BORCS5: variants seen among roughly 807,000 people sequenced by gnomAD.
The protein encoded by BORCS5 is BLOC-1-related complex subunit 5.
BORCS5 carries 17 observed loss-of-function variants against 22.1 expected under a neutral mutation model. That is an observed-to-expected ratio of 0.77 (90% CI 0.53 to 1.15). The LOEUF is 1.15. Among genes scored for constraint, BORCS5 ranks in the 50% most tolerant of loss-of-function variants. The probability of loss-of-function intolerance (pLI) is 0.00; values close to 1 mark genes in which losing one functional copy is unlikely to be tolerated. For missense variants in BORCS5, 247 were observed against 253.2 expected, an observed-to-expected ratio of 0.98 and a Z score of 0.17; for synonymous variants, 117 against 99.8, an observed-to-expected ratio of 1.17 and a Z score of -1.03.
Position 12,445,527 on chromosome 12 carries a change from AC to A in BORCS5, c.360+9744del, listed in dbSNP as rs1942769399. On this transcript the variant is annotated intron_variant, in intron 3 of 3. Transcript: ENST00000314565. ...TTTTTTTTTTTTTTCAATTTGAAAT[AC>A]CTTTTTTTTTTTTTTTTTTTTTTTT... Among the ~76,000 whole-genome samples the A allele has an allele frequency of 1.8e-4, 7 of 37,900 alleles. No homozygotes were observed. In the East Asian group the frequency reaches 2.5e-3, roughly 13 times the overall value. 24.9% of individuals were successfully genotyped at this position (37,900 alleles called of 152,430 possible). A position where few individuals can be genotyped will look rare whatever the true frequency, so the allele number is the denominator to read the frequency against.
intron 2 of BORCS5, among the ~76,000 whole-genome samples, chr12:12,430,879 T>C (rs1161759477): frequency 2.6e-5 from 4 of 152,208 alleles, no homozygotes; most frequent in African/African-American, 9.6e-5. Flanking sequence ...TATGGAGGTT[T>C]TTTTCCATGT....
At chr12:12,408,075 A>G (rs1484234074) in intron 2 of BORCS5, among the ~76,000 whole-genome samples, 2 of 152,184 alleles carry the variant, frequency 1.3e-5, no homozygotes, top group East Asian at 3.8e-4. Flanking sequence ...TGTGTCTGGC[A>G]TACTTCAGTT....
chr12:12,416,748 A>C (rs1486306130), intron 2 of BORCS5, among the ~76,000 whole-genome samples: 1 of 149,306 alleles, frequency 6.7e-6, no homozygotes, highest in African/African-American at 2.5e-5. Context: ...GATTTGAGTC[A>C]CCGCACCCAA....
chr12:12,461,807 A>G (rs1168383582), intron 3 of BORCS5, among the ~76,000 whole-genome samples: 1 of 152,196 alleles, frequency 6.6e-6, no homozygotes, highest in Non-Finnish European at 1.5e-5. Flanking sequence ...TTCTGCATGC[A>G]CACACCACTG....
intron 2 of BORCS5, among the ~76,000 whole-genome samples, chr12:12,414,283 C>T (rs1290024434): frequency 8.6e-5 from 5 of 58,474 alleles, no homozygotes; most frequent in African/African-American, 2.8e-4. Context: ...TAGGGGCGGC[C>T]AGGCAGAGGC....
chr12:12,465,386 G>T (rs1177340993), intron 3 of BORCS5, among the ~76,000 whole-genome samples, 160 bp from the exon 4 acceptor site: 1 of 152,206 alleles, frequency 6.6e-6, no homozygotes, highest in Non-Finnish European at 1.5e-5. Context: ...AGTTGATAAA[G>T]CTGTGTCCCT....
At chr12:12,375,447 T>G (rs148985459) in intron 2 of BORCS5, among the ~76,000 whole-genome samples, 2 of 152,276 alleles carry the variant, frequency 1.3e-5, no homozygotes, top group East Asian at 3.9e-4. Context: ...AACATAGACC[T>G]CATTTCTACA....
intron 3 of BORCS5, among the ~76,000 whole-genome samples, chr12:12,455,094 A>C (rs938866211): frequency 2.6e-5 from 4 of 152,236 alleles, no homozygotes; most frequent in Non-Finnish European, 5.9e-5. Context: ...AAACAGGATG[A>C]ATTGTTACTT....
chr12:12,461,693 T>G (rs1427128922), intron 3 of BORCS5, among the ~76,000 whole-genome samples: 1 of 152,116 alleles, frequency 6.6e-6, no homozygotes, highest in Non-Finnish European at 1.5e-5. Context: ...CACCTGCATT[T>G]CAGCAGCAGC....
At chr12:12,371,928 C>T (rs1204789501) in intron 2 of BORCS5, among the ~76,000 whole-genome samples, 2 of 152,150 alleles carry the variant, frequency 1.3e-5, no homozygotes, top group Admixed American at 1.3e-4. Flanking sequence ...TTCTTAATTT[C>T]AGATGCTGGT....
chr12:12,450,675 G>T (rs1942890800), intron 3 of BORCS5, among the ~76,000 whole-genome samples: 1 of 152,156 alleles, frequency 6.6e-6, no homozygotes, highest in African/African-American at 2.4e-5. Context: ...GAATTAATTA[G>T]CTCTTTAGAA....
chr12:12,365,028 C>T (rs1416878196), intron 2 of BORCS5, among the ~76,000 whole-genome samples: 1 of 152,212 alleles, frequency 6.6e-6, no homozygotes, highest in Non-Finnish European at 1.5e-5. Flanking sequence ...GCAGTTAATG[C>T]AATGCAACTG....
intron 3 of BORCS5, among the ~76,000 whole-genome samples, chr12:12,455,174 A>G (rs1028082488): frequency 6.6e-6 from 1 of 152,230 alleles, no homozygotes; most frequent in Non-Finnish European, 1.5e-5. Flanking sequence ...CTGCCTGCTC[A>G]TTACATTTTG....
chr12:12,457,605 G>T (rs1943022430), intron 3 of BORCS5, among the ~76,000 whole-genome samples: 1 of 152,194 alleles, frequency 6.6e-6, no homozygotes, highest in Non-Finnish European at 1.5e-5. Flanking sequence ...GGGGGGCAGA[G>T]CCTGCAGTGA....
At chr12:12,440,939 A>AT (rs1255997244) in intron 3 of BORCS5, among the ~76,000 whole-genome samples, 1 of 152,178 alleles carries the variant, frequency 6.6e-6, no homozygotes, top group African/African-American at 2.4e-5. Flanking sequence ...ATCAAAGGGG[A>AT]TTTTTTGTTA....
chr12:12,406,219 A>T (rs1941591386), intron 2 of BORCS5, among the ~76,000 whole-genome samples: 1 of 152,272 alleles, frequency 6.6e-6, no homozygotes, highest in Admixed American at 6.5e-5. Flanking sequence ...TCTCTGTGAA[A>T]GAAATACTTC....
chr12:12,360,220 G>T (rs1863248533), intron 1 of BORCS5, among the ~76,000 whole-genome samples: 1 of 152,100 alleles, frequency 6.6e-6, no homozygotes, highest in Non-Finnish European at 1.5e-5. Context: ...AAATTAGCCA[G>T]ATGTGGTGGT....
chr12:12,415,137 C>T (rs1439834635), intron 2 of BORCS5, among the ~76,000 whole-genome samples: 1 of 151,692 alleles, frequency 6.6e-6, no homozygotes, highest in African/African-American at 2.4e-5. Context: ...CCTCACTTCC[C>T]AGACGGGGTG....
chr12:12,427,172 C>CTTTTTT (rs869191667), intron 2 of BORCS5, among the ~76,000 whole-genome samples: 32 of 84,450 alleles, frequency 3.8e-4, no homozygotes, highest in East Asian at 1.0e-3. Context: ...TCTTTCTTTT[C>CTTTTTT]TTTTTTTTTT....
Sources: gnomAD v4.1 joint callset for allele counts (sites outside exome capture counted in the v4.1 genomes callset) on GRCh38, gnomAD v4.1.1 for gene constraint, MANE v1.5 for transcripts, NCBI Gene and HGNC (gene_info 2026-07-23, HGNC 2026-07-21) for gene names.